LSAMP: variants seen among roughly 807,000 people sequenced by gnomAD.
The protein encoded by LSAMP is limbic system associated membrane protein.
LSAMP carries 7 observed loss-of-function variants against 38.6 expected under a neutral mutation model. That is an observed-to-expected ratio of 0.18 (90% CI 0.10 to 0.34). The LOEUF (loss-of-function observed/expected upper bound fraction) is 0.34. Ranked by LOEUF, LSAMP falls within the 10% of genes least tolerant of loss-of-function variation. LSAMP has a pLI of 1.00. For synonymous variants in LSAMP, 154 were observed against 166.8 expected (o/e 0.92, Z 0.59); for missense variants, 313 against 420.0 (o/e 0.75, Z 2.23).
intron 2 of LSAMP, among the ~76,000 whole-genome samples, chr3:116,045,541 T>TAAA (rs10662058): frequency 2.3e-3 from 177 of 75,962 alleles, no homozygotes; most frequent in African/African-American, 5.4e-3. Context: ...GTGGAGGTGG[T>TAAA]AAAAAAAAAA....
intron 1 of LSAMP, among the ~76,000 whole-genome samples, chr3:116,204,464 G>A (rs1484912310): frequency 6.6e-6 from 1 of 152,034 alleles, no homozygotes; most frequent in African/African-American, 2.4e-5. Flanking sequence ...TTTTAGACAT[G>A]AAGTCCTTGC....
intron 1 of LSAMP, among the ~76,000 whole-genome samples, chr3:116,231,980 CCTT>C (rs756112348): frequency 5.5e-4 from 84 of 152,278 alleles, no homozygotes; most frequent in Middle Eastern, 3.4e-3. Context: ...GAAAATTCCA[CCTT>C]CTTAAGTCTT....
chr3:116,077,687 T>C (rs759381848), intron 2 of LSAMP, among the ~76,000 whole-genome samples: 4 of 152,204 alleles, frequency 2.6e-5, no homozygotes, highest in Non-Finnish European at 4.4e-5. Context: ...CATGTATCCT[T>C]CACCCAGACT....
At chr3:116,161,248 A>T (rs780717483) in intron 1 of LSAMP, among the ~76,000 whole-genome samples, 1 of 152,176 alleles carries the variant, frequency 6.6e-6, no homozygotes, top group African/African-American at 2.4e-5. Flanking sequence ...ATATCTCCAA[A>T]ATAGCATGAA....
chr3:116,069,639 A>C (rs1357279171), intron 2 of LSAMP, among the ~76,000 whole-genome samples: 1 of 152,178 alleles, frequency 6.6e-6, no homozygotes, highest in Non-Finnish European at 1.5e-5. Context: ...ACATGTTATC[A>C]CTGACTGAAA....
chr3:116,064,337 C>T (rs577772388), intron 2 of LSAMP, among the ~76,000 whole-genome samples: 1 of 151,918 alleles, frequency 6.6e-6, no homozygotes, highest in Non-Finnish European at 1.5e-5. Flanking sequence ...ACCAGCCTGA[C>T]CAACATGGTG....
chr3:116,273,382 A>G (rs1157803186), intron 1 of LSAMP, among the ~76,000 whole-genome samples: 1 of 151,970 alleles, frequency 6.6e-6, no homozygotes, highest in African/African-American at 2.4e-5. Context: ...GAGAAGTAGA[A>G]TATTCATGTA....
At chr3:115,930,151 TTGGTTC>T (rs1038164608) in intron 3 of LSAMP, among the ~76,000 whole-genome samples, 1 of 151,910 alleles carries the variant, frequency 6.6e-6, no homozygotes, top group African/African-American at 2.4e-5. Context: ...TGTTTTACAG[TTGGTTC>T]TGATGCCATA....
intron 1 of LSAMP, among the ~76,000 whole-genome samples, chr3:116,251,508 G>A (rs961682002): frequency 2.0e-5 from 3 of 152,232 alleles, no homozygotes; most frequent in Non-Finnish European, 4.4e-5. Flanking sequence ...GGATAGGTCA[G>A]CAATACAGAT....
At position 116,403,712 on chromosome 3, in the gene LSAMP, C is replaced by T. The variant is rs72951919; in HGVS notation, c.155+41165G>A. On this transcript the variant is annotated intron_variant, in intron 1 of 6. Transcript: ENST00000490035. ...TCTCATACATGATTGATTAACCACA[C>T]TAAAAGTTGCAAAATGTAGATTTGG... is the stretch of plus-strand genomic sequence containing the variant. Among the ~76,000 whole-genome samples the T allele has an allele frequency of 2.7e-3, 404 of 151,822 alleles. 4 individuals are homozygous for T. Among genetic ancestry groups the T allele is most frequent in the African/African-American group, 8.7e-3 (359 of 41,404 alleles).
intron 2 of LSAMP, among the ~76,000 whole-genome samples, chr3:116,024,961 A>G (rs1940744872): frequency 1.3e-5 from 2 of 151,916 alleles, no homozygotes; most frequent in African/African-American, 2.4e-5. Context: ...GATCATATTC[A>G]CTTCTGAAAA....
At chr3:115,988,958 T>C (rs1047558118) in intron 3 of LSAMP, among the ~76,000 whole-genome samples, 1 of 152,084 alleles carries the variant, frequency 6.6e-6, no homozygotes, top group African/African-American at 2.4e-5. Context: ...TCTCTTGCTA[T>C]ATTCCCTTCT....
intron 1 of LSAMP, among the ~76,000 whole-genome samples, chr3:116,173,724 A>G (rs1710263548): frequency 6.6e-6 from 1 of 151,988 alleles, no homozygotes; most frequent in Non-Finnish European, 1.5e-5. Context: ...GAGCGAGAGC[A>G]TATTTAACAT....
In LSAMP at chr3:116,431,426, A is replaced by G. The variant is rs141353614; in HGVS notation, c.155+13451T>C. Among the ~76,000 whole-genome samples, 277 of 152,198 alleles carry G rather than the reference A, an allele frequency of 1.8e-3. 1 individual carries two copies. Among genetic ancestry groups the G allele is most frequent in the African/African-American group, 6.3e-3 (261 of 41,556 alleles). On this transcript the variant is annotated intron_variant, in intron 1 of 6. Transcript: ENST00000490035. ...GATCACTGCTTTCTTTTCAAAATCT[A>G]TTTAACACTACATTCTAGCACGTAG...
At chr3:116,439,789 C>G (rs1029338852) in intron 1 of LSAMP, among the ~76,000 whole-genome samples, 4 of 152,250 alleles carry the variant, frequency 2.6e-5, no homozygotes, top group African/African-American at 9.6e-5. Flanking sequence ...GTGGCGCGAT[C>G]TTGGCTCACT....
chr3:115,854,496 A>T (rs1935447334), intron 3 of LSAMP, among the ~76,000 whole-genome samples: 1 of 151,736 alleles, frequency 6.6e-6, no homozygotes, highest in African/African-American at 2.4e-5. Context: ...GTTAGCCAAG[A>T]TGGTCTCGAT....
intron 1 of LSAMP, among the ~76,000 whole-genome samples, chr3:116,257,813 G>A (rs768963654): frequency 2.6e-5 from 4 of 152,100 alleles, no homozygotes; most frequent in Non-Finnish European, 2.9e-5. Context: ...TTAAATCAGT[G>A]AATGGTTAAG....
intron 3 of LSAMP, among the ~76,000 whole-genome samples, chr3:115,906,949 T>G (rs1309787002): frequency 6.6e-6 from 1 of 152,154 alleles, no homozygotes; most frequent in Non-Finnish European, 1.5e-5. Context: ...ATAGATTAAA[T>G]CCAAGAGGTA....
chr3:116,057,967 A>ACACACACACACACACC (rs1341257552), intron 2 of LSAMP, among the ~76,000 whole-genome samples: 3,891 of 147,220 alleles, frequency 0.026, 74 homozygotes, highest in Non-Finnish European at 0.039. Flanking sequence ...CCACACACAC[A>ACACACACACACACACC]CACACACACA....
Sources: gnomAD v4.1 joint callset for allele counts (sites outside exome capture counted in the v4.1 genomes callset) on GRCh38, gnomAD v4.1.1 for gene constraint, MANE v1.5 for transcripts, NCBI Gene and HGNC (gene_info 2026-07-23, HGNC 2026-07-21) for gene names.